Variants in RYR1 observed in about 807,000 individuals in gnomAD.
RYR1 encodes the protein central core disease of muscle.
Under a neutral mutation model 583.5 loss-of-function variants are expected in RYR1, and 342 were observed. That is an observed-to-expected ratio of 0.59 (90% CI 0.54 to 0.64). The LOEUF is 0.64. RYR1 is among the 30% of genes least tolerant of loss of function. The probability of loss-of-function intolerance (pLI) is 0.00; values close to 1 mark genes in which losing one functional copy is unlikely to be tolerated. For missense variants in RYR1, 6,032 were observed against 6,917.2 expected, an observed-to-expected ratio of 0.87 and a Z score of 4.54; for synonymous variants, 2,791 against 2,822.5, an observed-to-expected ratio of 0.99 and a Z score of 0.35.
At chr19:38,487,810 T>A (rs992881945) in intron 34 of RYR1, among the ~76,000 whole-genome samples, 2 of 152,114 alleles carry the variant, frequency 1.3e-5, no homozygotes, top group African/African-American at 4.8e-5. Context: ...AGTTTTAAAT[T>A]TTTTGTAGAG....
At chr19:38,455,611 C>G in intron 15 of RYR1, 22 bp from the exon 16 acceptor site, 2 of 1,611,072 alleles carry the variant, frequency 1.2e-6, no homozygotes, top group Non-Finnish European at 1.7e-6. Context: ...CGCTTCACCT[C>G]TCATTCTGGG....
chr19:38,443,854 G>T (rs960197641), intron 5 of RYR1, 58 bp downstream of exon 5: 40 of 1,516,212 alleles, frequency 2.6e-5, no homozygotes, highest in Non-Finnish European at 3.3e-5. Context: ...GATTCAGGGG[G>T]TAGAAGGTCT....
Position 38,496,230 on chromosome 19 carries a change from C to T in RYR1, c.6564C>T (p.Asn2188=). Reference sequence around the variant, plus strand: ...CCGTGCACAGGAACATCATGAACAACAAAGTCTTCTACCAACACCCGAACC... The same window carrying T: ...CCGTGCACAGGAACATCATGAACAATAAAGTCTTCTACCAACACCCGAACC... ...MIQSIGNIMN[N]KVFYQHPNLM... is the part of the protein sequence containing the mutation. Residue 2188 remains asparagine (N), a synonymous_variant, in exon 40 of 106, where the codon AAC becomes AAT. Transcript: ENST00000359596. The surrounding 1 kb of genome is among the most constrained non-coding windows in gnomAD (Gnocchi z 4.8). The T allele has an allele frequency of 6.2e-7, 1 of 1,613,758 alleles. No homozygotes were observed. The highest frequency in any genetic ancestry group is 1.1e-5 in the South Asian group (1 of 91,082).
In RYR1 at chr19:38,466,376, C is replaced by T. The variant is rs368131832; in HGVS notation, c.3156C>T (p.Ile1052=). ...VRTLLGYGYN[I]EPPDQEPSQV... is the part of the protein sequence containing the mutation. ...CCCTCCTGGGCTACGGCTACAACATCGAGCCTCCTGACCAGGAGCCCAGTG... is the reference window on the plus strand; with the variant it reads ...CCCTCCTGGGCTACGGCTACAACATTGAGCCTCCTGACCAGGAGCCCAGTG... The change falls in exon 24 of 106, where the codon ATC becomes ATT. Residue 1052 remains isoleucine, a synonymous_variant. Coordinates refer to ENST00000359596, the MANE Select transcript of RYR1 (RefSeq NM_000540.3). 24 of 1,556,094 alleles carry T rather than the reference C, an allele frequency of 1.5e-5. No individual in the cohort carries two copies. The East Asian group carries it at 2.2e-4, about 14-fold the overall frequency.
intron 47 of RYR1, among the ~76,000 whole-genome samples, chr19:38,501,417 G>A (rs1485092424): frequency 2.0e-5 from 3 of 152,228 alleles, no homozygotes; most frequent in Non-Finnish European, 4.4e-5. Context: ...AGAATCACTT[G>A]AACCGGGGAG....
chr19:38,434,928 G>A (rs1972359824), intron 1 of RYR1, among the ~76,000 whole-genome samples: 1 of 152,218 alleles, frequency 6.6e-6, no homozygotes, highest in South Asian at 2.1e-4. Context: ...TTTCCTGGGA[G>A]AGAGGAACAA....
chr19:38,490,818 C>T (rs1969520382), intron 37 of RYR1, 86 bp downstream of exon 37: 1 of 835,664 alleles, frequency 1.2e-6, no homozygotes, highest in African/African-American at 1.7e-5. Context: ...TCCTGACAAC[C>T]CTCTACAGTA....
chr19:38,532,641 T>C (rs1971793487), intron 77 of RYR1, 30 bp from the exon 78 acceptor site: 2 of 1,614,008 alleles, frequency 1.2e-6, no homozygotes, highest in East Asian at 4.5e-5. Context: ...GTCTGCTTTG[T>C]TCATCCCTTA....
intron 63 of RYR1, 81 bp from the exon 64 acceptor site, chr19:38,514,945 C>T: frequency 1.1e-6 from 1 of 903,178 alleles, no homozygotes; most frequent in Admixed American, 1.8e-5. Flanking sequence ...ACTGCATGGG[C>T]CTATTTGAGA....
At chr19:38,529,853 C>T (rs1971652180) in intron 76 of RYR1, among the ~76,000 whole-genome samples, 1 of 152,186 alleles carries the variant, frequency 6.6e-6, no homozygotes, top group African/African-American at 2.4e-5. Flanking sequence ...ATGTGTCAGG[C>T]ACCAAGCTAA....
rs1969851210 is a variant in RYR1 at position 38,496,809 on chromosome 19, G to A, written c.6797-51G>A. 1.3e-6 allele frequency: 2 copies of A among 1,546,342 alleles called. No homozygotes were observed. Among genetic ancestry groups the A allele is most frequent in the Non-Finnish European group, 1.8e-6 (2 of 1,119,624 alleles). On this transcript the variant is annotated intron_variant, in intron 41 of 105. Coordinates refer to ENST00000359596, the MANE Select transcript of RYR1 (RefSeq NM_000540.3). This position sits in a 1 kb window ranked among gnomAD's most constrained non-coding sequence, Gnocchi z 4.8. ...GGTGGTCAGGGAGGGCTTCCCAGAG[G>A]AGGCGAGACAAGCAGGAGTGAGATG...
intron 72 of RYR1, 128 bp from the exon 73 acceptor site, chr19:38,527,519 A>AGGT: frequency 4.7e-6 from 6 of 1,266,350 alleles, no homozygotes; most frequent in Non-Finnish European, 6.7e-6. Flanking sequence ...CAAAACAAAA[A>AGGT]GATGAAGAAG....
At chr19:38,446,380 A>C (rs2145350175) in intron 7 of RYR1, 92 bp from the exon 8 acceptor site, 2 of 944,950 alleles carry the variant, frequency 2.1e-6, no homozygotes, top group East Asian at 4.9e-5. Flanking sequence ...AGGTTCCCCC[A>C]GGGGAGGAGC....
Position 38,586,613 on chromosome 19 carries a change from G to T in RYR1, c.15021+37G>T, listed in dbSNP as rs73032657. The T allele has an allele frequency of 0.08, 127,873 of 1,593,966 alleles. 5,918 individuals are homozygous for T. Among genetic ancestry groups the T allele is most frequent in the Non-Finnish European group, 0.094 (108,870 of 1,161,742 alleles). On this transcript the variant is annotated intron_variant, in intron 105 of 105. Transcript: ENST00000359596. ...TTAATGGGAGGACAGTGGGCAGGAC[G>T]TGGAGCCCTTTAACATAAGGCCAGT...
In RYR1 at chr19:38,446,453, T is replaced by C. The variant is rs1012198147; in HGVS notation, c.632-19T>C. 6.2e-7 allele frequency: 1 copy of C among 1,602,144 alleles called. No individual in the cohort carries two copies. The highest frequency in any genetic ancestry group is 1.3e-5 in the African/African-American group (1 of 74,828). On this transcript the variant is annotated intron_variant, in intron 7 of 105. Transcript: ENST00000359596. Reference sequence around the variant, plus strand: ...GGGCTCCAGCCTCCCATTGACCAACTTCCCTTGCTCCTCTCCAGGCTTCGT... The same window carrying C: ...GGGCTCCAGCCTCCCATTGACCAACCTCCCTTGCTCCTCTCCAGGCTTCGT...
chr19:38,555,502 T>G (rs972987240), intron 89 of RYR1, among the ~76,000 whole-genome samples: 1 of 151,066 alleles, frequency 6.6e-6, no homozygotes, highest in African/African-American at 2.4e-5. Context: ...TGTATGTGTG[T>G]GTGGCCTTAA....
Position 38,562,626 on chromosome 19 carries a change from G to A in RYR1, c.12624+1172G>A, listed in dbSNP as rs3786832. Among the ~76,000 whole-genome samples the A allele has an allele frequency of 8.3e-3, 1,264 of 152,140 alleles. 32 individuals carry two copies. The highest frequency in any genetic ancestry group is 0.08 in the East Asian group (414 of 5,172). On this transcript the variant is annotated intron_variant, in intron 90 of 105. Transcript: ENST00000359596. The stretch of plus-strand genomic sequence containing the variant: ...ACAGAGCCCTGTCCTCATGTTCTGG[G>A]AGCCAGTACACAAACCCTTGGCTCC...
chr19:38,441,737 T>C (rs1456814600), intron 2 of RYR1, among the ~76,000 whole-genome samples: 1 of 96,358 alleles, frequency 1.0e-5, no homozygotes, highest in Non-Finnish European at 2.2e-5. Flanking sequence ...TGGAATCTGA[T>C]GGGGGGGAAG....
At position 38,573,158 on chromosome 19, in the gene RYR1, G is replaced by A. The variant is rs775494152; in HGVS notation, c.13999-19G>A. 121 of 1,613,312 alleles carry A rather than the reference G, an allele frequency of 7.5e-5. 1 individual carries two copies. The Admixed American group carries it at 1.5e-3, about 20-fold the overall frequency. Reference sequence around the variant, plus strand: ...CCAAGGTGCCTGACGCCCACCTTTGGCCTCCTCCCACTATCCAGGTGCCCC... The same window carrying A: ...CCAAGGTGCCTGACGCCCACCTTTGACCTCCTCCCACTATCCAGGTGCCCC... On this transcript the variant is annotated intron_variant, in intron 95 of 105. Transcript: ENST00000359596.
Sources: allele counts gnomAD v4.1 joint callset (sites outside exome capture counted in the v4.1 genomes callset), GRCh38; gene constraint gnomAD v4.1.1; non-coding constraint Gnocchi (gnomAD v3.1); transcripts MANE v1.5; gene names NCBI Gene and HGNC (gene_info 2026-07-23, HGNC 2026-07-21).